Variants in SLC12A9 observed in about 807,000 individuals in gnomAD.
The protein encoded by SLC12A9 is solute carrier family 12 member 9, also known as CCC-interacting protein 1.
Under a neutral mutation model 66.0 loss-of-function variants are expected in SLC12A9, and 55 were observed. That is an observed-to-expected ratio of 0.83 (90% CI 0.67 to 1.04). The LOEUF (loss-of-function observed/expected upper bound fraction) is 1.04. Ranked by LOEUF, SLC12A9 falls within the 50% of genes least tolerant of loss-of-function variation. The pLI, the probability that SLC12A9 is intolerant of heterozygous loss-of-function variation, is 0.00. For synonymous variants in SLC12A9, 577 were observed against 569.0 expected (o/e 1.01, Z -0.20); for missense variants, 1,061 against 1,241.9 (o/e 0.85, Z 2.19).
upstream of SLC12A9, among the ~76,000 whole-genome samples, chr7:100,849,526 G>C (rs1388285925): frequency 6.6e-6 from 1 of 151,912 alleles, no homozygotes; most frequent in East Asian, 2.0e-4. Context: ...GACCAGCCTG[G>C]AGAACATGGT....
intron 1 of SLC12A9, among the ~76,000 whole-genome samples, chr7:100,836,265 G>A (rs1584676995): frequency 6.6e-6 from 1 of 152,198 alleles, no homozygotes; most frequent in South Asian, 2.1e-4. Flanking sequence ...GGGACAAGAA[G>A]CTCTTGGGCT....
chr7:100,852,994 C>T (rs1814157954), intron 1 of SLC12A9, among the ~76,000 whole-genome samples, 159 bp downstream of exon 1: 1 of 139,404 alleles, frequency 7.2e-6, no homozygotes, highest in African/African-American at 2.7e-5. Flanking sequence ...CGGTGGGAGC[C>T]GGTCTGTGTT....
intron 9 of SLC12A9, 160 bp from the exon 10 acceptor site, chr7:100,860,978 A>G (rs976397229): frequency 7.6e-7 from 1 of 1,316,584 alleles, no homozygotes; most frequent in African/African-American, 1.5e-5. Flanking sequence ...TTGGGGGTTC[A>G]TTGACACTTT....
chr7:100,852,635 G>C (rs1037388325), upstream of SLC12A9: 1 of 138,708 alleles, frequency 7.2e-6, no homozygotes, highest in Admixed American at 7.4e-5. Flanking sequence ...GAAGAGCAGA[G>C]AGGGTCGGGC....
intron 1 of SLC12A9, among the ~76,000 whole-genome samples, chr7:100,834,260 C>T (rs577730345): frequency 5.9e-5 from 9 of 152,168 alleles, no homozygotes; most frequent in Non-Finnish European, 7.4e-5. Flanking sequence ...CCAGAGTTCA[C>T]AACGCCAGGT....
Position 100,865,997 on chromosome 7 carries a change from C to T in SLC12A9, c.2137C>T (p.Arg713Trp), listed in dbSNP as rs199572979. 63 of 1,612,660 alleles carry T rather than the reference C, an allele frequency of 3.9e-5. No homozygotes were observed. The Admixed American group carries it at 4.5e-4, about 12-fold the overall frequency. Residue 713 changes from arginine to tryptophan, a missense_variant, in exon 14 of 14, where the codon CGG becomes TGG. Coordinates refer to ENST00000354161, the MANE Select transcript of SLC12A9 (RefSeq NM_020246.4). ...SGALPPERLS[R>W]GSGGTSQLHH... ...GGCCTTGCCCCCTGAGCGGCTGAGC[C>T]GGGGGTCTGGGGGCACCTCTCAGCT...
intron 1 of SLC12A9, among the ~76,000 whole-genome samples, chr7:100,828,152 T>C (rs1245341380): frequency 6.6e-6 from 1 of 152,170 alleles, no homozygotes; most frequent in Non-Finnish European, 1.5e-5. Context: ...GGGGACCTAC[T>C]GTGCGCGCAA....
chr7:100,866,933 G>T lies in SLC12A9; in HGVS notation c.*328G>T, dbSNP rs1238258593. 5 of 331,944 alleles carry T rather than the reference G, an allele frequency of 1.5e-5. No homozygotes were observed. The highest frequency in any genetic ancestry group is 2.2e-5 in the Non-Finnish European group (4 of 182,674). 20.6% of individuals were successfully genotyped at this position (331,944 alleles called of 1,614,324 possible). On this transcript the variant is annotated 3_prime_UTR_variant, in exon 14 of 14. Coordinates refer to ENST00000354161, the MANE Select transcript of SLC12A9 (RefSeq NM_020246.4). The surrounding 1 kb of genome is among the most constrained non-coding windows in gnomAD (Gnocchi z 7.3). ...TTCCCCATTTTGGCCAGACTCACCG[G>T]CCCACTGGGGTGGTGATGTTTTCGT...
intron 1 of SLC12A9, among the ~76,000 whole-genome samples, chr7:100,853,067 G>A (rs1268895282): frequency 3.9e-5 from 6 of 152,062 alleles, no homozygotes; most frequent in Admixed American, 6.5e-5. Context: ...TCGTGTGGAT[G>A]GGAGGAATCG....
rs1815085344 is a variant in SLC12A9, at chr7:100,866,278, G to C, written c.2418G>C (p.Gly806=). 5.2e-6 allele frequency: 8 copies of C among 1,540,818 alleles called. No homozygotes were observed. The East Asian group carries it at 7.2e-5, about 14-fold the overall frequency. The part of the protein sequence containing the change: ...AEVQEVVWGE[G]AGAGEPEAEE... The stretch of plus-strand genomic sequence containing the variant: ...TGCAGGAGGTGGTGTGGGGCGAGGG[G>C]GCCGGGGCTGGGGAACCCGAGGCGG... Residue 806 remains glycine (G), a synonymous_variant, in exon 14 of 14, where the codon GGG becomes GGC. Coordinates refer to ENST00000354161, the MANE Select transcript of SLC12A9 (RefSeq NM_020246.4). This position sits in a 1 kb window ranked among gnomAD's most constrained non-coding sequence, Gnocchi z 7.3.
chr7:100,866,506 A>T lies in SLC12A9; in HGVS notation c.2646A>T (p.Arg882=). The change falls in exon 14 of 14, where the codon CGA becomes CGT. Residue 882 remains arginine, a synonymous_variant. Coordinates refer to ENST00000354161, the MANE Select transcript of SLC12A9 (RefSeq NM_020246.4). The surrounding 1 kb of genome is among the most constrained non-coding windows in gnomAD (Gnocchi z 7.3). The part of the protein sequence containing the change: ...YLPRPPADPA[R]YPRYLALLET... ...CTCGGCCGCCAGCCGATCCCGCCCG[A>T]TACCCCCGCTACCTGGCGCTACTGG... 1 of 1,566,296 alleles carries T rather than the reference A, an allele frequency of 6.4e-7. No homozygotes were observed. Among genetic ancestry groups the T allele is most frequent in the Non-Finnish European group, 8.6e-7 (1 of 1,156,282 alleles).
exon 1 of SLC12A9, chr7:100,826,913 G>A (rs1399453880): frequency 6.6e-7 from 1 of 1,524,322 alleles, no homozygotes; most frequent in Non-Finnish European, 8.8e-7. Context: ...TCCACTCCGA[G>A]GCCCAGATGT....
At chr7:100,859,426 G>A in intron 7 of SLC12A9, 1 of 484,988 alleles carries the variant, frequency 2.1e-6, no homozygotes, top group Non-Finnish European at 3.7e-6. Context: ...TATACCATTA[G>A]GTATGACAGC....
At chr7:100,849,893 G>C (rs1180192250), upstream of SLC12A9, among the ~76,000 whole-genome samples, 1 of 147,146 alleles carries the variant, frequency 6.8e-6, no homozygotes, top group East Asian at 2.0e-4. Context: ...TTTTTTTTGA[G>C]TCAGAGTCTC....
At chr7:100,862,856 G>A (rs371911783) in intron 13 of SLC12A9, 29 bp downstream of exon 13, 1 of 1,612,560 alleles carries the variant, frequency 6.2e-7, no homozygotes, top group Non-Finnish European at 8.5e-7. Flanking sequence ...GATGCCCTCG[G>A]CCTTCCTCTG....
At chr7:100,860,098 C>T (rs550792985) in intron 8 of SLC12A9, 52 bp from the exon 9 acceptor site, 21 of 1,614,116 alleles carry the variant, frequency 1.3e-5, no homozygotes, top group East Asian at 2.2e-5. Context: ...TCTGTCTCTC[C>T]GTCCCCGCTG....
chr7:100,865,557 T>C (rs751316054), intron 13 of SLC12A9, 162 bp from the exon 14 acceptor site: 3 of 1,584,760 alleles, frequency 1.9e-6, no homozygotes, highest in East Asian at 4.5e-5. Flanking sequence ...AAATGAAAAG[T>C]CTTTATGCAA....
In SLC12A9 at chr7:100,860,058, C is replaced by T. The variant is rs961788921; in HGVS notation, c.1135+16C>T. ...GACCTCTTTGGTGGGTTCTCTGCCTCCTTGCTGGCTTGGAGCACGCCCTCC... is the reference window on the plus strand; with the variant it reads ...GACCTCTTTGGTGGGTTCTCTGCCTTCTTGCTGGCTTGGAGCACGCCCTCC... On this transcript the variant is annotated intron_variant, in intron 8 of 13. Coordinates refer to ENST00000354161, the MANE Select transcript of SLC12A9 (RefSeq NM_020246.4). 5 of 1,614,062 alleles carry T rather than the reference C, an allele frequency of 3.1e-6. No homozygotes were observed. The African/African-American group carries it at 6.7e-5, about 22-fold the overall frequency.
rs1814606261 is a variant in SLC12A9 at position 100,859,485 on chromosome 7, G to A, written c.977+324G>A. 3 of 373,744 alleles carry A rather than the reference G, an allele frequency of 8.0e-6. No individual in the cohort carries two copies. In the South Asian group the frequency reaches 8.7e-5, roughly 11 times the overall value. The allele number at this position is 373,744 out of a possible 1,614,324, so 23.2% of individuals were successfully genotyped here. On this transcript the variant is annotated intron_variant, in intron 7 of 13. Coordinates refer to ENST00000354161, the MANE Select transcript of SLC12A9 (RefSeq NM_020246.4). ...AATCCCAGCACTTTGGGAGGCTGAG[G>A]CAGGAGGATCGCTGGAGCCCAGGAG...
Sources: gnomAD v4.1 joint callset for allele counts (sites outside exome capture counted in the v4.1 genomes callset) on GRCh38, gnomAD v4.1.1 for gene constraint, Gnocchi (gnomAD v3.1) non-coding constraint, MANE v1.5 for transcripts, NCBI Gene and HGNC (gene_info 2026-07-23, HGNC 2026-07-21) for gene names.